The following MRTFA variants were observed in gnomAD, a reference collection of about 807,000 sequenced individuals.
MRTFA encodes myocardin related transcription factor A, also known as myocardin-related transcription factor A.
A neutral mutation model predicts 83.5 loss-of-function variants in MRTFA; 20 were observed. The ratio of observed to expected loss-of-function variants is 0.24; its 90% CI spans 0.17 to 0.35. The LOEUF is 0.35. Ranked by LOEUF, MRTFA falls within the 10% of genes least tolerant of loss-of-function variation. The pLI is 1.00. For synonymous variants in MRTFA, 659 were observed against 541.2 expected (o/e 1.22, Z -3.02); for missense variants, 1,200 against 1,224.7 (o/e 0.98, Z 0.30).
intron 1 of MRTFA, among the ~76,000 whole-genome samples, chr22:40,621,699 A>G (rs995091739): frequency 1.3e-5 from 2 of 152,238 alleles, no homozygotes; most frequent in African/African-American, 4.8e-5. Flanking sequence ...AGGAAGGATA[A>G]CTATGAAAGC....
intron 3 of MRTFA, among the ~76,000 whole-genome samples, chr22:40,503,868 G>C (rs2054537541): frequency 6.6e-6 from 1 of 152,078 alleles, no homozygotes; most frequent in Non-Finnish European, 1.5e-5. Flanking sequence ...GTTGCAGTGA[G>C]CTGAGATCGT....
intron 1 of MRTFA, among the ~76,000 whole-genome samples, chr22:40,596,089 T>C (rs907526817): frequency 1.3e-5 from 2 of 151,824 alleles, no homozygotes; most frequent in Admixed American, 6.6e-5. Context: ...CACACCAAAC[T>C]TCCTCCTAGA....
At chr22:40,490,067 C>G (rs150178828) in intron 3 of MRTFA, among the ~76,000 whole-genome samples, 85 of 151,238 alleles carry the variant, frequency 5.6e-4, no homozygotes, top group African/African-American at 1.9e-3. Context: ...GCCTGAATCT[C>G]TATTGCCTAT....
chr22:40,524,042 C>T (rs564271436), intron 3 of MRTFA, among the ~76,000 whole-genome samples: 2 of 152,262 alleles, frequency 1.3e-5, no homozygotes, highest in East Asian at 1.9e-4. Context: ...AATTTTCACA[C>T]CCTATAGTCA....
At chr22:40,606,115 A>T (rs567444989) in intron 1 of MRTFA, among the ~76,000 whole-genome samples, 5 of 152,274 alleles carry the variant, frequency 3.3e-5, no homozygotes, top group African/African-American at 1.2e-4. Flanking sequence ...TAATACTCCT[A>T]TCCAAATCTG....
chr22:40,561,247 T>G (rs1345252392), intron 2 of MRTFA, among the ~76,000 whole-genome samples: 1 of 151,378 alleles, frequency 6.6e-6, no homozygotes, highest in African/African-American at 2.4e-5. Flanking sequence ...AAATCTGGTA[T>G]GAAGGAATTC....
At chr22:40,488,845 T>C (rs754930619) in intron 3 of MRTFA, among the ~76,000 whole-genome samples, 1 of 152,058 alleles carries the variant, frequency 6.6e-6, no homozygotes, top group Non-Finnish European at 1.5e-5. Context: ...AAAAAAGTAA[T>C]AATAATTCAG....
chr22:40,609,435 T>A (rs1014070209), intron 1 of MRTFA, among the ~76,000 whole-genome samples: 1 of 139,570 alleles, frequency 7.2e-6, no homozygotes, highest in Non-Finnish European at 1.5e-5. Context: ...GAGCTAAGAC[T>A]GCATCACTGC....
intron 2 of MRTFA, among the ~76,000 whole-genome samples, chr22:40,589,319 GAAT>G (rs1267049295): frequency 6.6e-6 from 1 of 152,154 alleles, no homozygotes; most frequent in East Asian, 1.9e-4. Flanking sequence ...ATCAGACTGA[GAAT>G]AATATACAGG....
In MRTFA at chr22:40,417,353, C is replaced by A. The variant is rs1263587691; in HGVS notation, c.2505G>T (p.Gln835His). The A allele has an allele frequency of 6.2e-7, 1 of 1,611,358 alleles. No homozygotes were observed. Among genetic ancestry groups the A allele is most frequent in the Non-Finnish European group, 8.5e-7 (1 of 1,179,728 alleles). ...CCGCCTTCCTCACCTGCTGTTTGGGCTGCTGGCTCATGGCTTCCTCATAGC... is the reference window on the plus strand; with the variant it reads ...CCGCCTTCCTCACCTGCTGTTTGGGATGCTGGCTCATGGCTTCCTCATAGC... Residue 835 changes from glutamine (Q) to histidine (H), a missense_variant, in exon 13 of 15, where the codon CAG becomes CAT. Physicochemically the swap from Gln to His is conservative, Grantham distance 24 (BLOSUM62 0). This residue lies in a region of MRTFA where 1,107 missense variants were observed against 1,041.8 expected (regional missense o/e 1.06). Transcript: ENST00000355630.
At chr22:40,485,249 C>T (rs1361082583) in intron 3 of MRTFA, among the ~76,000 whole-genome samples, 1 of 152,196 alleles carries the variant, frequency 6.6e-6, no homozygotes, top group African/African-American at 2.4e-5. Context: ...ATTTTCAAAT[C>T]ATCCCAGTAT....
At chr22:40,454,654 C>G (rs775650879) in intron 4 of MRTFA, among the ~76,000 whole-genome samples, 1 of 152,114 alleles carries the variant, frequency 6.6e-6, no homozygotes, top group African/African-American at 2.4e-5. Flanking sequence ...CTGTGAGTAA[C>G]CTTTAAGATG....
chr22:40,564,032 G>A (rs778427547), intron 2 of MRTFA, among the ~76,000 whole-genome samples: 29 of 152,320 alleles, frequency 1.9e-4, no homozygotes, highest in Non-Finnish European at 2.9e-4. Context: ...ACCTGGCACA[G>A]AACAGGAACT....
At position 40,495,843 on chromosome 22, in the gene MRTFA, G is replaced by A. The variant is rs905028508; in HGVS notation, c.242-32557C>T. Among the ~76,000 whole-genome samples the A allele has an allele frequency of 7.3e-5, 11 of 150,364 alleles. No individual in the cohort carries two copies. The South Asian group carries it at 8.4e-4, about 12-fold the overall frequency. On this transcript the variant is annotated intron_variant, in intron 3 of 14. Coordinates refer to ENST00000355630, the MANE Select transcript of MRTFA (RefSeq NM_020831.6). Reference sequence around the variant, plus strand: ...CAGCACTTGGGAGGCTGAGGAGGGCGAATCACGAAGTCAGGAATTCGAGAC... The same window carrying A: ...CAGCACTTGGGAGGCTGAGGAGGGCAAATCACGAAGTCAGGAATTCGAGAC...
At chr22:40,517,193 G>T (rs1468546103) in intron 3 of MRTFA, among the ~76,000 whole-genome samples, 2 of 152,212 alleles carry the variant, frequency 1.3e-5, no homozygotes, top group Non-Finnish European at 2.9e-5. Context: ...AAAGTGCTGG[G>T]ATTACAGGTG....
At chr22:40,503,542 T>C (rs1160984987) in intron 3 of MRTFA, among the ~76,000 whole-genome samples, 1 of 152,210 alleles carries the variant, frequency 6.6e-6, no homozygotes, top group Non-Finnish European at 1.5e-5. Flanking sequence ...GAGTGTCCTT[T>C]ATCACATATA....
intron 5 of MRTFA, among the ~76,000 whole-genome samples, chr22:40,433,798 CAT>C (rs931553517): frequency 6.6e-6 from 1 of 152,172 alleles, no homozygotes; most frequent in African/African-American, 2.4e-5. Context: ...ATTCATGTTT[CAT>C]ATCTCAACTA....
At chr22:40,474,324 C>A (rs1569285698) in intron 3 of MRTFA, among the ~76,000 whole-genome samples, 1 of 152,154 alleles carries the variant, frequency 6.6e-6, no homozygotes. Flanking sequence ...CCTGAACTCT[C>A]CAGTATTTCC....
intron 12 of MRTFA, 26 bp downstream of exon 12, chr22:40,418,348 G>A (rs758346410): frequency 3.7e-6 from 6 of 1,609,122 alleles, no homozygotes; most frequent in Non-Finnish European, 5.1e-6. Flanking sequence ...TCTGGGCCCT[G>A]CCCGGTTCCT....
Sources: gnomAD v4.1 joint callset for allele counts (sites outside exome capture counted in the v4.1 genomes callset) on GRCh38, gnomAD v4.1.1 for gene constraint, gnomAD v4.1.1 regional missense constraint, MANE v1.5 for transcripts, NCBI Gene and HGNC (gene_info 2026-07-23, HGNC 2026-07-21) for gene names.